The following CHIC2 variants were observed in gnomAD, a reference collection of about 807,000 sequenced individuals.
The protein encoded by CHIC2 is cysteine-rich hydrophobic domain-containing protein 2.
Under a neutral mutation model 25.9 loss-of-function variants are expected in CHIC2, and 14 were observed. That is an observed-to-expected ratio of 0.54 (90% confidence interval 0.36 to 0.85). The LOEUF (loss-of-function observed/expected upper bound fraction) is 0.85, where lower values mean the gene tolerates loss of function less well. Ranked by LOEUF, CHIC2 falls within the 40% of genes least tolerant of loss-of-function variation. The pLI is 0.01. For synonymous variants in CHIC2, 70 were observed against 72.0 expected (o/e 0.97, Z 0.14); for missense variants, 146 against 202.0 (o/e 0.72, Z 1.68).
chr4:54,026,405 AG>A (rs1455147129), intron 3 of CHIC2, among the ~76,000 whole-genome samples: 1 of 152,080 alleles, frequency 6.6e-6, no homozygotes, highest in Non-Finnish European at 1.5e-5. Context: ...CTGTAGCCCC[AG>A]CTACTTGGGA....
the CHIC2 span, among the ~76,000 whole-genome samples, chr4:54,079,168 G>A: frequency 6.6e-6 from 1 of 152,198 alleles, no homozygotes; most frequent in East Asian, 1.9e-4. Context: ...AGTGAGCTGA[G>A]ATTGCGCCAC....
At chr4:54,016,034 T>C (rs893560807) in intron 3 of CHIC2, among the ~76,000 whole-genome samples, 1 of 152,218 alleles carries the variant, frequency 6.6e-6, no homozygotes, top group Non-Finnish European at 1.5e-5. Flanking sequence ...GAATCTACCT[T>C]GTAATCTTTC....
chr4:54,089,392 C>CATATATAT, the CHIC2 span, among the ~76,000 whole-genome samples: 1,039 of 145,154 alleles, frequency 7.2e-3, 7 homozygotes, highest in African/African-American at 0.02. Context: ...CACCACATTC[C>CATATATAT]ATATATATAT....
At chr4:54,058,541 TACACACATAC>T (rs1319221625) in intron 1 of CHIC2, among the ~76,000 whole-genome samples, 10 of 100,140 alleles carry the variant, frequency 1.0e-4, no homozygotes, top group African/African-American at 1.7e-4. Flanking sequence ...AAAAGTCACA[TACACACATAC>T]ACACACATAC....
At chr4:54,016,742 G>A (rs1330821935) in intron 3 of CHIC2, among the ~76,000 whole-genome samples, 1 of 151,876 alleles carries the variant, frequency 6.6e-6, no homozygotes, top group East Asian at 1.9e-4. Context: ...TTACAGTGAG[G>A]AGCAGGTGAG....
chr4:54,081,662 A>G, the CHIC2 span, among the ~76,000 whole-genome samples: 1 of 152,124 alleles, frequency 6.6e-6, no homozygotes, highest in Admixed American at 6.5e-5. Flanking sequence ...ATTGCCATAT[A>G]GGAAACCACT....
chr4:54,074,572 C>G, the CHIC2 span, among the ~76,000 whole-genome samples: 1 of 149,874 alleles, frequency 6.7e-6, no homozygotes, highest in African/African-American at 2.5e-5. Flanking sequence ...TGTTCTCCCA[C>G]TGCCATCTCC....
intron 1 of CHIC2, among the ~76,000 whole-genome samples, chr4:54,063,102 T>C (rs1431302701): frequency 6.6e-6 from 1 of 152,240 alleles, no homozygotes; most frequent in Non-Finnish European, 1.5e-5. Flanking sequence ...GACAAACTTA[T>C]ATGAGAAGTC....
chr4:54,062,884 T>TAAGTTATAC (rs1717379743), intron 1 of CHIC2, among the ~76,000 whole-genome samples: 1 of 152,246 alleles, frequency 6.6e-6, no homozygotes, highest in African/African-American at 2.4e-5. Context: ...GTTATACTTC[T>TAAGTTATAC]TAAGCTGGTG....
the CHIC2 span, among the ~76,000 whole-genome samples, chr4:54,085,791 A>G: frequency 1.3e-5 from 2 of 152,202 alleles, no homozygotes; most frequent in Non-Finnish European, 1.5e-5. Flanking sequence ...CAGTAAATCC[A>G]GTAACTTATT....
At position 54,014,623 on chromosome 4, in the gene CHIC2, GCTTA is replaced by G. The variant is rs199597996; in HGVS notation, c.331-508_331-505del. Among the ~76,000 whole-genome samples the G allele has an allele frequency of 8.2e-4, 125 of 152,114 alleles. 1 individual carries two copies. The highest frequency in any genetic ancestry group is 7.1e-3 in the Admixed American group (108 of 15,262). Reference sequence around the variant, plus strand: ...AAATAATGCCCATATTTAAAAGCCAGCTTACTGATTATTCTACCAATAGATTTTT... The same window carrying G: ...AAATAATGCCCATATTTAAAAGCCAGCTGATTATTCTACCAATAGATTTTT... On this transcript the variant is annotated intron_variant, in intron 3 of 5. Coordinates refer to ENST00000263921, the MANE Select transcript of CHIC2 (RefSeq NM_012110.4).
chr4:54,085,027 G>T, the CHIC2 span, among the ~76,000 whole-genome samples: 1 of 146,110 alleles, frequency 6.8e-6, no homozygotes, highest in Admixed American at 6.8e-5. Flanking sequence ...GCTAAACACT[G>T]AATTGATATA....
the CHIC2 span, among the ~76,000 whole-genome samples, chr4:54,070,113 G>A: frequency 6.6e-6 from 1 of 152,178 alleles, no homozygotes; most frequent in Non-Finnish European, 1.5e-5. Context: ...ATGGAGGTAG[G>A]GAAGTAGAGA....
At chr4:54,067,624 G>A (rs961524429), upstream of CHIC2, among the ~76,000 whole-genome samples, 17 of 152,188 alleles carry the variant, frequency 1.1e-4, no homozygotes, top group Non-Finnish European at 1.6e-4. Flanking sequence ...CTTCATTGGA[G>A]TTTCTCTTTA....
At chr4:54,054,485 AC>A (rs1420425941) in intron 1 of CHIC2, among the ~76,000 whole-genome samples, 1 of 152,220 alleles carries the variant, frequency 6.6e-6, no homozygotes, top group Non-Finnish European at 1.5e-5. Flanking sequence ...CTTCTGAGTT[AC>A]AGTGATATTT....
chr4:54,064,275 T>A lies in CHIC2; in HGVS notation c.26A>T (p.Glu9Val). Residue 9 changes from glutamate (E) to valine (V), a missense_variant, in exon 1 of 6, where the codon GAG becomes GTG. Transcript: ENST00000263921. This position sits in a 1 kb window ranked among gnomAD's most constrained non-coding sequence, Gnocchi z 4.2. MADFDEIYEEEEDEERALE... is the reference protein window; with the variant it reads MADFDEIYVEEEDEERALE... ...GGCCCGCTCCTCGTCCTCCTCTTCC[T>A]CATAGATTTCGTCGAAATCCGCCAT... The A allele has an allele frequency of 6.2e-7, 1 of 1,612,882 alleles. No individual in the cohort carries two copies. The highest frequency in any genetic ancestry group is 8.5e-7 in the Non-Finnish European group (1 of 1,179,488).
At chr4:54,029,962 T>C (rs1403622149) in intron 3 of CHIC2, among the ~76,000 whole-genome samples, 1 of 152,166 alleles carries the variant, frequency 6.6e-6, no homozygotes, top group Non-Finnish European at 1.5e-5. Flanking sequence ...AACACTACTA[T>C]ACCCCTAACC....
chr4:54,062,085 G>A (rs561359337), intron 1 of CHIC2, among the ~76,000 whole-genome samples: 4 of 152,058 alleles, frequency 2.6e-5, no homozygotes, highest in Non-Finnish European at 5.9e-5. Context: ...AAAAGGTATC[G>A]ACTATAACTA....
intron 3 of CHIC2, among the ~76,000 whole-genome samples, chr4:54,021,746 C>CT (rs1715905955): frequency 6.6e-6 from 1 of 152,064 alleles, no homozygotes; most frequent in South Asian, 2.1e-4. Context: ...GGCAACAACC[C>CT]TTTGACGTTT....
Sources: allele counts gnomAD v4.1 joint callset (sites outside exome capture counted in the v4.1 genomes callset), GRCh38; gene constraint gnomAD v4.1.1; non-coding constraint Gnocchi (gnomAD v3.1); transcripts MANE v1.5; gene names NCBI Gene and HGNC (gene_info 2026-07-23, HGNC 2026-07-21).